ACACB: variants seen among roughly 807,000 people sequenced by gnomAD.
The protein encoded by ACACB is acetyl-CoA carboxylase 2.
A neutral mutation model predicts 278.8 loss-of-function variants in ACACB; 209 were observed. That is an observed-to-expected ratio of 0.75 (90% confidence interval 0.67 to 0.84). The LOEUF is 0.84. Among genes scored for constraint, ACACB ranks in the 40% least tolerant of loss-of-function variants. The pLI is 0.00. For synonymous variants in ACACB, 1,174 were observed against 1,285.6 expected (o/e 0.91, Z 1.86); for missense variants, 2,850 against 3,269.0 (o/e 0.87, Z 3.13).
chr12:109,218,492 G>A (rs2046070218), intron 24 of ACACB, among the ~76,000 whole-genome samples: 1 of 152,134 alleles, frequency 6.6e-6, no homozygotes, highest in African/African-American at 2.4e-5. Flanking sequence ...CCAAAGTGCT[G>A]GGATTACAGG....
chr12:109,115,044 A>G (rs34263), upstream of ACACB, among the ~76,000 whole-genome samples: 40,958 of 152,134 alleles, frequency 0.27, 6,394 homozygotes, highest in African/African-American at 0.44. Flanking sequence ...GATAGTGTCT[A>G]GGGAGAACTG....
chr12:109,216,498 GC>G, intron 22 of ACACB, 119 bp from the exon 23 acceptor site: 1 of 1,010,548 alleles, frequency 9.9e-7, no homozygotes. Flanking sequence ...GGGATTACAG[GC>G]ATGAGCCACC....
At position 109,171,896 on chromosome 12, in the gene ACACB, C is replaced by G. The variant is rs746391894; in HGVS notation, c.1017C>G (p.Ala339=). Residue 339 remains alanine (A), a synonymous_variant, in exon 5 of 53, where the codon GCC becomes GCG. Coordinates refer to ENST00000338432, the MANE Select transcript of ACACB (RefSeq NM_001093.4). ...YANVELIVDI[A]KRIPVQAVWA... is the part of the protein sequence containing the mutation. Reference sequence around the variant, plus strand: ...ACGTGGAGCTGATTGTGGACATTGCCAAGAGAATCCCCGTGCAGGTAGATG... The same window carrying G: ...ACGTGGAGCTGATTGTGGACATTGCGAAGAGAATCCCCGTGCAGGTAGATG... 2 of 1,614,062 alleles carry G rather than the reference C, an allele frequency of 1.2e-6. No homozygotes were observed. Among genetic ancestry groups the G allele is most frequent in the Non-Finnish European group, 1.7e-6 (2 of 1,179,978 alleles).
rs1198616474 is a variant in ACACB at position 109,246,192 on chromosome 12, C to T, written c.5315C>T (p.Ala1772Val). ...LPGGNEVGMV[A>V]FKMRFKTQEY... is the part of the protein sequence containing the mutation. ...TCCCCTTGCCAGGTGGGCATGGTGG[C>T]CTTCAAAATGAGGTTTAAGACCCAG... Residue 1772 changes from alanine (A) to valine (V), a missense_variant, in exon 39 of 53, where the codon GCC becomes GTC. Ala to Val is a moderately conservative substitution (Grantham distance 64). This residue lies in a region of ACACB where 2,265 missense variants were observed against 2,561.3 expected (regional missense o/e 0.88). Transcript: ENST00000338432. 3.1e-6 allele frequency: 5 copies of T among 1,610,726 alleles called. No homozygotes were observed. The highest frequency in any genetic ancestry group is 4.2e-6 in the Non-Finnish European group (5 of 1,177,424).
chr12:109,162,017 C>T (rs1272824290), intron 2 of ACACB, among the ~76,000 whole-genome samples: 1 of 150,214 alleles, frequency 6.7e-6, no homozygotes, highest in Admixed American at 6.6e-5. Flanking sequence ...CACTCTGTTG[C>T]CCAGGCTGGA....
rs779929141 is a variant in ACACB at position 109,233,974 on chromosome 12, T to C, written c.4276T>C (p.Ser1426Pro). 5 of 1,614,098 alleles carry C rather than the reference T, an allele frequency of 3.1e-6. No individual in the cohort carries two copies. Among genetic ancestry groups the C allele is most frequent in the Non-Finnish European group, 4.2e-6 (5 of 1,179,994 alleles). Residue 1426 changes from serine (S) to proline (P), a missense_variant, in exon 31 of 53, where the codon TCC (serine) becomes CCC (proline). Physicochemically the swap from Ser to Pro is moderately conservative, Grantham distance 74. Transcript: ENST00000338432. ...REEPIHILNVSIQCADHLEDE... is the reference protein window; with the variant it reads ...REEPIHILNVPIQCADHLEDE... The stretch of plus-strand genomic sequence containing the variant: ...AGAGCCCATCCACATTCTGAATGTG[T>C]CCATCCAGTGTGCAGACCACCTGGA...
At chr12:109,175,159 G>A (rs2044243278) in intron 7 of ACACB, among the ~76,000 whole-genome samples, 1 of 152,074 alleles carries the variant, frequency 6.6e-6, no homozygotes, top group African/African-American at 2.4e-5. Context: ...ATTCCTAACA[G>A]TGGAGTTTCT....
At chr12:109,136,130 C>G (rs568505122) in intron 1 of ACACB, among the ~76,000 whole-genome samples, 1 of 152,196 alleles carries the variant, frequency 6.6e-6, no homozygotes, top group South Asian at 2.1e-4. Context: ...CATTCTTTCT[C>G]CATTGGATGG....
chr12:109,242,407 A>T (rs745407811), intron 36 of ACACB, 30 bp from the exon 37 acceptor site: 1 of 1,604,722 alleles, frequency 6.2e-7, no homozygotes, highest in Non-Finnish European at 8.5e-7. Flanking sequence ...ATTCTCTCTC[A>T]CTCTCTGTTT....
rs562629774 is a variant in ACACB, at chr12:109,142,743, T to G, written c.653+2685T>G. On this transcript the variant is annotated intron_variant, in intron 2 of 52. Transcript: ENST00000338432. ...CACCACACCTGGCTAATTTTTGTAT[T>G]TTTAGTAGAGACGGGGTTTCACCAT... Among the ~76,000 whole-genome samples, 19 of 152,214 alleles carry G rather than the reference T, an allele frequency of 1.2e-4. No individual in the cohort carries two copies. In the South Asian group the frequency reaches 3.9e-3, roughly 32 times the overall value.
intron 9 of ACACB, 38 bp downstream of exon 9, chr12:109,176,301 T>C: frequency 3.2e-6 from 5 of 1,564,774 alleles, no homozygotes; most frequent in Non-Finnish European, 4.4e-6. Context: ...CATCTGTCTT[T>C]GGGAATTGTT....
rs1040370884 is a variant in ACACB at position 109,258,915 on chromosome 12, C to G, written c.6361-58C>G. The G allele has an allele frequency of 4.4e-6, 7 of 1,595,768 alleles. No individual in the cohort carries two copies. In the African/African-American group the frequency reaches 9.4e-5, roughly 21 times the overall value. On this transcript the variant is annotated intron_variant, in intron 46 of 52. Coordinates refer to ENST00000338432, the MANE Select transcript of ACACB (RefSeq NM_001093.4). ...CAGAGCGAGGTTCTGGCAGCCGTCC[C>G]TCTGTCCTGGGTTGTGGTTGTGCAG...
At chr12:109,134,226 A>G (rs2042915142) in intron 1 of ACACB, among the ~76,000 whole-genome samples, 1 of 152,122 alleles carries the variant, frequency 6.6e-6, no homozygotes, top group Non-Finnish European at 1.5e-5. Flanking sequence ...CTTCCATGCC[A>G]TGTTTTCTGT....
chr12:109,138,785 G>A (rs574548876), intron 1 of ACACB, among the ~76,000 whole-genome samples: 15 of 152,078 alleles, frequency 9.9e-5, no homozygotes, highest in Non-Finnish European at 1.8e-4. Context: ...CCCAGGAGGC[G>A]GAGTTTGCAG....
intron 34 of ACACB, among the ~76,000 whole-genome samples, chr12:109,238,227 A>G (rs1380910843): frequency 6.6e-6 from 1 of 150,716 alleles, no homozygotes; most frequent in Non-Finnish European, 1.5e-5. Flanking sequence ...CTGAGAGTGG[A>G]CAGATCATTT....
rs2136201055 is a variant in ACACB at position 109,175,213 on chromosome 12, ATT to A, written c.1217-717_1217-716del. Among the ~76,000 whole-genome samples, 3 of 151,714 alleles carry A rather than the reference ATT, an allele frequency of 2.0e-5. 1 individual carries two copies. The South Asian group carries it at 6.2e-4, about 32-fold the overall frequency. ...AATAGGACCGTCTCAAAAGTTTCCT[ATT>A]AAATTTGTTTTTTTTTCCCCCCCCA... On this transcript the variant is annotated intron_variant, in intron 7 of 52. Coordinates refer to ENST00000338432, the MANE Select transcript of ACACB (RefSeq NM_001093.4).
intron 33 of ACACB, among the ~76,000 whole-genome samples, chr12:109,236,929 C>T (rs1287976952): frequency 6.6e-6 from 1 of 152,074 alleles, no homozygotes; most frequent in East Asian, 1.9e-4. Context: ...CAGCGCTGCA[C>T]CCAGCACAAC....
In ACACB at chr12:109,222,848, T is replaced by G. The variant is rs771749905; in HGVS notation, c.3728T>G (p.Val1243Gly). The G allele has an allele frequency of 1.9e-6, 3 of 1,613,518 alleles. No individual in the cohort carries two copies. The highest frequency in any genetic ancestry group is 1.7e-6 in the Non-Finnish European group (2 of 1,179,910). The change falls in exon 26 of 53, where the codon GTG (valine) becomes GGG (glycine). Residue 1243 changes from valine to glycine, a missense_variant. Physicochemically the swap from Val to Gly is moderately radical, Grantham distance 109. Coordinates refer to ENST00000338432, the MANE Select transcript of ACACB (RefSeq NM_001093.4). ...LPSYELRHNQ[V>G]ESIFLSAIDM... is the part of the protein sequence containing the mutation. ...TCCTACGAGCTGCGGCATAACCAGG[T>G]GGAGTCCATTTTCCTGTCTGCCATT...
chr12:109,258,505 C>A, intron 46 of ACACB, 141 bp downstream of exon 46: 1 of 633,442 alleles, frequency 1.6e-6, no homozygotes. Flanking sequence ...CCCTGGGGGG[C>A]TCAGTGCCTG....
Sources: allele counts gnomAD v4.1 joint callset (sites outside exome capture counted in the v4.1 genomes callset), GRCh38; gene constraint gnomAD v4.1.1; regional missense constraint gnomAD v4.1.1; transcripts MANE v1.5; gene names NCBI Gene and HGNC (gene_info 2026-07-23, HGNC 2026-07-21).